Variants in UBAC1 observed in about 807,000 individuals in gnomAD.
UBAC1 encodes the protein ubiquitin-associated domain-containing protein 1.
Under a neutral mutation model 45.9 loss-of-function variants are expected in UBAC1, and 27 were observed. That is an observed-to-expected ratio of 0.59 (90% CI 0.43 to 0.81). The LOEUF (loss-of-function observed/expected upper bound fraction) is 0.81, where lower values mean the gene tolerates loss of function less well. Ranked by LOEUF, UBAC1 falls within the 30% of genes least tolerant of loss-of-function variation. The probability of loss-of-function intolerance (pLI) is 0.00; values close to 1 mark genes in which losing one functional copy is unlikely to be tolerated. For missense variants in UBAC1, 529 were observed against 539.2 expected (o/e 0.98, Z 0.19); for synonymous variants, 227 against 215.5 (o/e 1.05, Z -0.47).
chr9:135,944,601 C>T (rs982100789), intron 7 of UBAC1, among the ~76,000 whole-genome samples: 2 of 152,214 alleles, frequency 1.3e-5, no homozygotes, highest in African/African-American at 4.8e-5. Context: ...GCAGCCTGAG[C>T]GGCCCCTCGC....
At chr9:135,938,998 A>C (rs1839233971) in intron 8 of UBAC1, among the ~76,000 whole-genome samples, 3 of 152,348 alleles carry the variant, frequency 2.0e-5, no homozygotes, top group East Asian at 3.9e-4. Context: ...GATTGAAGCC[A>C]GGAGTTCAAG....
At chr9:135,946,165 T>TA in intron 5 of UBAC1, 104 bp downstream of exon 5, 1 of 1,058,124 alleles carries the variant, frequency 9.5e-7, no homozygotes, top group Non-Finnish European at 1.4e-6. Flanking sequence ...AGCGCTTCCA[T>TA]AAAGCACTGA....
intron 7 of UBAC1, among the ~76,000 whole-genome samples, chr9:135,944,378 T>A (rs1839301589): frequency 6.6e-6 from 1 of 152,012 alleles, no homozygotes; most frequent in African/African-American, 2.4e-5. Context: ...AAGGAAACGA[T>A]CAGTGCCACA....
intron 3 of UBAC1, among the ~76,000 whole-genome samples, chr9:135,950,464 A>G (rs1839394600): frequency 6.6e-6 from 1 of 152,234 alleles, no homozygotes; most frequent in South Asian, 2.1e-4. Flanking sequence ...GGCTCTGTGG[A>G]AGAGCATGAA....
At chr9:135,944,945 T>G in intron 7 of UBAC1, 83 bp downstream of exon 7, 1 of 1,397,636 alleles carries the variant, frequency 7.2e-7, no homozygotes, top group Non-Finnish European at 9.8e-7. Flanking sequence ...AGGTCAGCCA[T>G]GCAGCCCCAG....
chr9:135,934,036 A>G (rs1235934602), intron 9 of UBAC1, among the ~76,000 whole-genome samples: 1 of 152,226 alleles, frequency 6.6e-6, no homozygotes, highest in Non-Finnish European at 1.5e-5. Context: ...GCTTTACAAA[A>G]CTGTTTCCCC....
chr9:135,936,907 C>T (rs574172965), intron 9 of UBAC1, among the ~76,000 whole-genome samples: 22 of 152,200 alleles, frequency 1.4e-4, no homozygotes, highest in African/African-American at 4.3e-4. Context: ...AACTGAACAA[C>T]GGCATCTGCA....
intron 4 of UBAC1, among the ~76,000 whole-genome samples, chr9:135,946,672 G>A (rs1201162280): frequency 6.6e-6 from 1 of 152,208 alleles, no homozygotes; most frequent in Non-Finnish European, 1.5e-5. Context: ...GCAGGTGCAG[G>A]GCAAGCTGAA....
chr9:135,949,969 C>A (rs1424790196), intron 3 of UBAC1, among the ~76,000 whole-genome samples: 1 of 152,166 alleles, frequency 6.6e-6, no homozygotes, highest in Non-Finnish European at 1.5e-5. Flanking sequence ...GGAGGCTGTG[C>A]GGGTAGGAAT....
At chr9:135,948,478 T>C (rs1839365840) in intron 3 of UBAC1, among the ~76,000 whole-genome samples, 1 of 152,256 alleles carries the variant, frequency 6.6e-6, no homozygotes, top group African/African-American at 2.4e-5. Context: ...TAGAACTGCA[T>C]CGGTGGCAGG....
At chr9:135,961,358 CCGCCGGGGGCGCGCCG>C in exon 1 of UBAC1, 1 of 215,226 alleles carries the variant, frequency 4.6e-6, no homozygotes, top group Non-Finnish European at 8.0e-6. Context: ...GCCGCAGCAG[CCGCCGGGGGCGCGCCG>C]TCGCGGCCGC....
Position 135,947,785 on chromosome 9 carries a change from G to A in UBAC1, c.441+13C>T. 5 of 1,610,680 alleles carry A rather than the reference G, an allele frequency of 3.1e-6. No homozygotes were observed. The highest frequency in any genetic ancestry group is 4.2e-6 in the Non-Finnish European group (5 of 1,178,430). On this transcript the variant is annotated intron_variant, in intron 4 of 9. Coordinates refer to ENST00000371756, the MANE Select transcript of UBAC1 (RefSeq NM_016172.3). ...ACCCCATGCACCCGCCGCCGCTCTG[G>A]GCTGACACTCACGTCTCTCATGTTG...
In UBAC1 at chr9:135,933,514, T is replaced by A; in HGVS notation, c.1104A>T (p.Ala368=). The stretch of plus-strand genomic sequence containing the variant: ...GTGGGTTCTCCAGCATGTCTTCAAA[T>A]GCTGCAGGGAAAACAGAGCCAGCCT... ...LGLTNPKTLL[A]FEDMLENPLN... The change falls in exon 10 of 10, where the codon GCA becomes GCT. Residue 368 remains alanine, a splice_region_variant and synonymous_variant. Coordinates refer to ENST00000371756, the MANE Select transcript of UBAC1 (RefSeq NM_016172.3). 6.2e-7 allele frequency: 1 copy of A among 1,613,420 alleles called. No homozygotes were observed.
rs1291994502 is a variant in UBAC1, at chr9:135,933,108, AAGC to A, written c.*289_*291del. ...CAAGCAAATGTCTACACGGCAATTC[AAGC>A]AGCAACTCAAGAGCCCAGAGGAGCA... On this transcript the variant is annotated 3_prime_UTR_variant, in exon 10 of 10. Transcript: ENST00000371756. 3 of 346,508 alleles carry A rather than the reference AAGC, an allele frequency of 8.7e-6. No homozygotes were observed. Among genetic ancestry groups the A allele is most frequent in the Admixed American group, 4.5e-5 (1 of 22,204 alleles). 21.5% of individuals were successfully genotyped at this position (346,508 alleles called of 1,614,324 possible). A position where few individuals can be genotyped will look rare whatever the true frequency, so the allele number is the denominator to read the frequency against.
intron 7 of UBAC1, among the ~76,000 whole-genome samples, chr9:135,940,354 C>T (rs1337630505): frequency 1.3e-5 from 2 of 151,608 alleles, no homozygotes; most frequent in African/African-American, 2.4e-5. Context: ...CCGAGGCAGG[C>T]GGATCACCAG....
intron 6 of UBAC1, 75 bp from the exon 7 acceptor site, chr9:135,945,325 A>G: frequency 8.4e-6 from 11 of 1,304,264 alleles, no homozygotes; most frequent in Non-Finnish European, 1.0e-5. Context: ...CATTCCCAAG[A>G]AGAGCCTCTG....
Position 135,953,737 on chromosome 9 carries a change from T to A in UBAC1, c.276A>T (p.Ile92=). 6.2e-7 allele frequency: 1 copy of A among 1,613,974 alleles called. No homozygotes were observed. The highest frequency in any genetic ancestry group is 8.5e-7 in the Non-Finnish European group (1 of 1,179,892). ...NIQDQDVLLL[I]KKRAPSPLPK... is the part of the protein sequence containing the mutation. ...GAAGTGGTGATGGAGCACGCTTTTTTATCAATAATAGGACATCTAGAAAAA... is the reference window on the plus strand; with the variant it reads ...GAAGTGGTGATGGAGCACGCTTTTTAATCAATAATAGGACATCTAGAAAAA... The change falls in exon 3 of 10, where the codon ATA becomes ATT. Residue 92 remains isoleucine, a synonymous_variant. Transcript: ENST00000371756.
intron 4 of UBAC1, 98 bp downstream of exon 4, chr9:135,947,700 G>T: frequency 2.1e-6 from 2 of 972,978 alleles, no homozygotes; most frequent in South Asian, 1.6e-5. Flanking sequence ...TCCTCCCAGA[G>T]AATCTCCTCT....
intron 4 of UBAC1, 51 bp downstream of exon 4, chr9:135,947,747 C>A: frequency 6.7e-7 from 1 of 1,483,036 alleles, no homozygotes; most frequent in Non-Finnish European, 9.2e-7. Flanking sequence ...CCACAGCAAT[C>A]CCCCACACGG....
Sources: gnomAD v4.1 joint callset for allele counts (sites outside exome capture counted in the v4.1 genomes callset) on GRCh38, gnomAD v4.1.1 for gene constraint, MANE v1.5 for transcripts, NCBI Gene and HGNC (gene_info 2026-07-23, HGNC 2026-07-21) for gene names.